The following NUBPL variants were observed in gnomAD, a reference collection of about 807,000 sequenced individuals.
NUBPL encodes iron-sulfur cluster transfer protein NUBPL.
In NUBPL, 31 loss-of-function variants were observed where a neutral mutation model predicts 45.7. The ratio of observed to expected loss-of-function variants is 0.68; its 90% CI spans 0.51 to 0.92. The LOEUF is 0.92. Ranked by LOEUF, NUBPL falls within the 40% of genes least tolerant of loss-of-function variation. The pLI, the probability that NUBPL is intolerant of heterozygous loss-of-function variation, is 0.00. For missense variants in NUBPL, 401 were observed against 398.7 expected (o/e 1.01, Z -0.05); for synonymous variants, 144 against 140.9 (o/e 1.02, Z -0.15).
At position 31,582,312 on chromosome 14, in the gene NUBPL, G is replaced by A. The variant is rs74040877; in HGVS notation, c.292-16977G>A. On this transcript the variant is annotated intron_variant, in intron 3 of 10. Transcript: ENST00000281081. ...TTGTTTATGAATGGAGTATTCTAGT[G>A]AGCAAACACCAGCTGTGTGTGACTA... 2.7e-3 allele frequency among the ~76,000 whole-genome samples: 411 copies of A among 151,496 alleles called. 2 individuals are homozygous for A. Among genetic ancestry groups the A allele is most frequent in the African/African-American group, 9.2e-3 (379 of 41,374 alleles).
chr14:31,687,455 G>A (rs1277628324), intron 6 of NUBPL, among the ~76,000 whole-genome samples: 2 of 152,148 alleles, frequency 1.3e-5, no homozygotes, highest in Non-Finnish European at 2.9e-5. Flanking sequence ...CACTGTGCAT[G>A]GTGCCATTAG....
Position 31,826,664 on chromosome 14 carries a change from T to C in NUBPL, c.643T>C (p.Leu215=), listed in dbSNP as rs771345201. 1.4e-5 allele frequency: 23 copies of C among 1,614,010 alleles called. No homozygotes were observed. Among genetic ancestry groups the C allele is most frequent in the Non-Finnish European group, 1.8e-5 (21 of 1,179,988 alleles). The part of the protein sequence containing the change: ...VIVSTPQDIA[L]MDAHKGAEMF... ...TGTCTCCACGCCCCAGGACATCGCATTGATGGATGCACACAAGGGTGCTGA... is the reference window on the plus strand; with the variant it reads ...TGTCTCCACGCCCCAGGACATCGCACTGATGGATGCACACAAGGGTGCTGA... Residue 215 remains leucine, a synonymous_variant, in exon 8 of 11, where the codon TTG becomes CTG. Coordinates refer to ENST00000281081, the MANE Select transcript of NUBPL (RefSeq NM_025152.3).
chr14:31,686,943 C>G (rs768737843), intron 6 of NUBPL: 3 of 152,238 alleles, frequency 2.0e-5, no homozygotes, highest in Non-Finnish European at 4.4e-5. Context: ...TCGCAAGACT[C>G]TATCTCTACA....
At chr14:31,713,961 C>T (rs775228797) in intron 6 of NUBPL, among the ~76,000 whole-genome samples, 5 of 152,146 alleles carry the variant, frequency 3.3e-5, no homozygotes, top group Non-Finnish European at 7.3e-5. Context: ...AACTCTTTTC[C>T]ATCAGCATTT....
chr14:31,761,849 T>C (rs907759076), intron 6 of NUBPL, among the ~76,000 whole-genome samples: 6 of 152,214 alleles, frequency 3.9e-5, no homozygotes, highest in African/African-American at 1.2e-4. Context: ...TTTGGATATA[T>C]AGTTTCTGTG....
At chr14:31,786,969 T>C (rs1482826917) in intron 6 of NUBPL, among the ~76,000 whole-genome samples, 1 of 152,172 alleles carries the variant, frequency 6.6e-6, no homozygotes, top group Non-Finnish European at 1.5e-5. Flanking sequence ...TAATAACAGA[T>C]GGTGGTGGCC....
chr14:31,706,576 C>G (rs1467628516), intron 6 of NUBPL, among the ~76,000 whole-genome samples: 1 of 152,156 alleles, frequency 6.6e-6, no homozygotes, highest in Non-Finnish European at 1.5e-5. Context: ...TGCCGGGTGG[C>G]ATCTTCTACT....
intron 4 of NUBPL, among the ~76,000 whole-genome samples, chr14:31,648,896 CCT>C (rs1304357702): frequency 1.3e-5 from 2 of 152,220 alleles, no homozygotes; most frequent in African/African-American, 2.4e-5. Context: ...GCAACCTCCG[CCT>C]CCCGGGTTCA....
In NUBPL at chr14:31,773,413, GTATGGATCTGGAGGGAGAGTCCAGA is replaced by G. The variant is rs372140713; in HGVS notation, c.514-14366_514-14342del. Among the ~76,000 whole-genome samples, 989 of 152,238 alleles carry G rather than the reference GTATGGATCTGGAGGGAGAGTCCAGA, an allele frequency of 6.5e-3. 12 individuals carry two copies. The highest frequency in any genetic ancestry group is 0.022 in the African/African-American group (926 of 41,536). ...TGAACACTGGTTAGATATTGTGGAG[GTATGGATCTGGAGGGAGAGTCCAGA>G]GATGGATGTAAATATTTTCTTCGTT... On this transcript the variant is annotated intron_variant, in intron 6 of 10. Coordinates refer to ENST00000281081, the MANE Select transcript of NUBPL (RefSeq NM_025152.3).
intron 7 of NUBPL, among the ~76,000 whole-genome samples, chr14:31,801,938 T>C (rs1440165757): frequency 6.6e-6 from 1 of 152,216 alleles, no homozygotes; most frequent in Non-Finnish European, 1.5e-5. Context: ...GTTAATATGT[T>C]GAATATTCAT....
chr14:31,826,805 G>A (rs905081013), intron 8 of NUBPL, 91 bp downstream of exon 8: 3 of 1,241,476 alleles, frequency 2.4e-6, no homozygotes, highest in Non-Finnish European at 3.5e-6. Context: ...TTTTAATTTA[G>A]TCCTGTACAG....
At chr14:31,632,187 A>G (rs566106182) in intron 4 of NUBPL, among the ~76,000 whole-genome samples, 1 of 152,162 alleles carries the variant, frequency 6.6e-6, no homozygotes, top group Non-Finnish European at 1.5e-5. Context: ...GTAGGGAAAC[A>G]ACAACAGATA....
At chr14:31,644,525 G>A (rs1431441361) in intron 4 of NUBPL, among the ~76,000 whole-genome samples, 1 of 152,052 alleles carries the variant, frequency 6.6e-6, no homozygotes, top group African/African-American at 2.4e-5. Context: ...TACTTGATAT[G>A]ATTTCTACTT....
At chr14:31,705,729 A>C (rs898954710) in intron 6 of NUBPL, among the ~76,000 whole-genome samples, 7 of 152,198 alleles carry the variant, frequency 4.6e-5, no homozygotes, top group Non-Finnish European at 1.0e-4. Flanking sequence ...AGCTAGACAG[A>C]AAAATTCTCC....
chr14:31,769,867 G>A (rs1301191439), intron 6 of NUBPL, among the ~76,000 whole-genome samples: 2 of 152,052 alleles, frequency 1.3e-5, no homozygotes, highest in East Asian at 3.9e-4. Context: ...AGGGTCCCGA[G>A]AGGTTAATTG....
chr14:31,717,357 A>C (rs1261787430), intron 6 of NUBPL, among the ~76,000 whole-genome samples: 1 of 152,050 alleles, frequency 6.6e-6, no homozygotes, highest in Non-Finnish European at 1.5e-5. Flanking sequence ...GTAACCTCTC[A>C]CTTCATATTA....
At chr14:31,840,326 C>T (rs1049837640) in intron 8 of NUBPL, among the ~76,000 whole-genome samples, 2 of 152,136 alleles carry the variant, frequency 1.3e-5, no homozygotes, top group African/African-American at 2.4e-5. Flanking sequence ...GTAATCCCAG[C>T]ACTTTGGGAG....
chr14:31,644,474 A>G (rs2035790594), intron 4 of NUBPL, among the ~76,000 whole-genome samples: 1 of 151,988 alleles, frequency 6.6e-6, no homozygotes. Context: ...GGTGTCTCCT[A>G]TTAGTAGTTT....
intron 3 of NUBPL, among the ~76,000 whole-genome samples, chr14:31,571,133 C>T (rs1398413026): frequency 1.3e-5 from 2 of 152,178 alleles, no homozygotes; most frequent in Non-Finnish European, 2.9e-5. Flanking sequence ...TACAGTTATT[C>T]TTCTACTTGT....
Sources: allele counts gnomAD v4.1 joint callset (sites outside exome capture counted in the v4.1 genomes callset), GRCh38; gene constraint gnomAD v4.1.1; transcripts MANE v1.5; gene names NCBI Gene and HGNC (gene_info 2026-07-23, HGNC 2026-07-21).